Variants in CAPZA2 observed in about 807,000 individuals in gnomAD.
CAPZA2 encodes the protein F-actin-capping protein subunit alpha-2.
Under a neutral mutation model 44.0 loss-of-function variants are expected in CAPZA2, and 13 were observed. The observed-to-expected ratio is 0.30, with a 90% CI of 0.19 to 0.47. The LOEUF is 0.47. CAPZA2 is among the 20% of genes least tolerant of loss of function. The pLI is 1.00. For missense variants in CAPZA2, 244 were observed against 338.6 expected, an observed-to-expected ratio of 0.72 and a Z score of 2.19; for synonymous variants, 94 against 108.2, an observed-to-expected ratio of 0.87 and a Z score of 0.81.
chr7:116,905,160 AAAAAAAG>A (rs1241100610), intron 5 of CAPZA2, among the ~76,000 whole-genome samples: 1 of 151,680 alleles, frequency 6.6e-6, no homozygotes, highest in Admixed American at 6.6e-5. Flanking sequence ...AAAGAAAAGA[AAAAAAAG>A]AAATACAAAA....
At chr7:116,903,233 A>AGTGTGTGT (rs71148342) in intron 4 of CAPZA2, among the ~76,000 whole-genome samples, 1,788 of 146,382 alleles carry the variant, frequency 0.012, 9 homozygotes, top group Middle Eastern at 0.032. Flanking sequence ...TGCAGAGAAG[A>AGTGTGTGT]GTGTGTGTGT....
intron 3 of CAPZA2, among the ~76,000 whole-genome samples, chr7:116,893,246 T>C (rs1210637308): frequency 6.6e-6 from 1 of 152,128 alleles, no homozygotes; most frequent in Admixed American, 6.6e-5. Flanking sequence ...TTCTTCTGCC[T>C]CAGCCTCCCG....
intron 2 of CAPZA2, among the ~76,000 whole-genome samples, chr7:116,890,769 C>A (rs2115927423): frequency 1.9e-5 from 1 of 52,326 alleles, no homozygotes; most frequent in Non-Finnish European, 3.2e-5. Context: ...CAGAGTGAGA[C>A]TCTGTCTCAA....
intron 8 of CAPZA2, among the ~76,000 whole-genome samples, chr7:116,914,324 C>G (rs754606538): frequency 6.6e-6 from 1 of 151,872 alleles, no homozygotes; most frequent in Non-Finnish European, 1.5e-5. Context: ...CCACTGCGCC[C>G]GGCCAGAAAA....
At chr7:116,898,897 G>A in intron 4 of CAPZA2, 62 bp downstream of exon 4, 1 of 953,742 alleles carries the variant, frequency 1.0e-6, no homozygotes, top group Non-Finnish European at 1.6e-6. Context: ...TCCTGCAAGA[G>A]CTGTGAAGTG....
rs1226553970 is a variant in CAPZA2, at chr7:116,918,291, T to C, written c.*424T>C. The C allele has an allele frequency of 1.2e-5, 2 of 160,312 alleles. No individual in the cohort carries two copies. The highest frequency in any genetic ancestry group is 2.8e-5 in the Non-Finnish European group (2 of 72,082). 9.9% of individuals were successfully genotyped at this position (160,312 alleles called of 1,614,324 possible). On this transcript the variant is annotated 3_prime_UTR_variant, in exon 10 of 10. Transcript: ENST00000361183. ...ATTCTAGTTTAAGGTGGTTGATGGA[T>C]TTAGCCATATATGCTGCTAAAGAAA...
In CAPZA2 at chr7:116,910,732, G is replaced by A. The variant is rs185872002; in HGVS notation, c.585+421G>A. Among the ~76,000 whole-genome samples the A allele has an allele frequency of 1.7e-3, 266 of 152,236 alleles. 1 individual carries two copies. Among genetic ancestry groups the A allele is most frequent in the African/African-American group, 4.2e-3 (175 of 41,552 alleles). On this transcript the variant is annotated intron_variant, in intron 7 of 9. Coordinates refer to ENST00000361183, the MANE Select transcript of CAPZA2 (RefSeq NM_006136.3). ...ATTAACGTGTATGTATTGGCTGGGC[G>A]CGGTGGCTCACGCCTGTTATCCCAA...
intron 8 of CAPZA2, among the ~76,000 whole-genome samples, chr7:116,912,484 A>C (rs1791610715): frequency 6.6e-6 from 1 of 152,116 alleles, no homozygotes; most frequent in Non-Finnish European, 1.5e-5. Flanking sequence ...CATTCTACCC[A>C]GCCCTTCCCC....
intron 1 of CAPZA2, among the ~76,000 whole-genome samples, chr7:116,863,367 G>A (rs1478856931): frequency 6.6e-6 from 1 of 152,086 alleles, no homozygotes; most frequent in Non-Finnish European, 1.5e-5. Context: ...TGCCCACGTT[G>A]GCAGCAGCCC....
chr7:116,898,269 T>C (rs1350916971), intron 3 of CAPZA2, among the ~76,000 whole-genome samples: 1 of 151,984 alleles, frequency 6.6e-6, no homozygotes, highest in Non-Finnish European at 1.5e-5. Flanking sequence ...TGTAATCTTT[T>C]TTTTTTTTTA....
intron 1 of CAPZA2, among the ~76,000 whole-genome samples, chr7:116,869,887 T>G (rs1796529494): frequency 6.6e-6 from 1 of 152,122 alleles, no homozygotes; most frequent in Non-Finnish European, 1.5e-5. Flanking sequence ...TTTGTTTTTT[T>G]GAGACGGAGT....
At chr7:116,889,521 C>T (rs1279188977) in intron 2 of CAPZA2, among the ~76,000 whole-genome samples, 8 of 149,212 alleles carry the variant, frequency 5.4e-5, no homozygotes, top group Non-Finnish European at 1.0e-4. Flanking sequence ...TGGGTGTTTG[C>T]GACCAGCCTG....
At chr7:116,897,725 CAT>C (rs1796945192) in intron 3 of CAPZA2, among the ~76,000 whole-genome samples, 1 of 152,046 alleles carries the variant, frequency 6.6e-6, no homozygotes, top group East Asian at 1.9e-4. Context: ...TTTTTCTATA[CAT>C]ATATATGGTA....
chr7:116,876,789 A>G (rs116928768), intron 1 of CAPZA2, among the ~76,000 whole-genome samples: 1,589 of 152,326 alleles, frequency 0.01, 15 homozygotes, highest in Non-Finnish European at 0.018. Context: ...GATTGACAGC[A>G]GTTTATTAAT....
At chr7:116,880,467 G>A (rs149237759) in intron 1 of CAPZA2, among the ~76,000 whole-genome samples, 1,829 of 151,896 alleles carry the variant, frequency 0.012, 14 homozygotes, top group Admixed American at 0.019. Context: ...GCGTGATCTC[G>A]GCTCACTGCA....
intron 4 of CAPZA2, among the ~76,000 whole-genome samples, chr7:116,899,510 CG>C: frequency 6.6e-6 from 1 of 151,512 alleles, no homozygotes. Context: ...GTCATAGTTA[CG>C]GGGGACAAGC....
intron 9 of CAPZA2, 51 bp downstream of exon 9, chr7:116,916,173 C>T: frequency 6.9e-7 from 1 of 1,439,902 alleles, no homozygotes; most frequent in Non-Finnish European, 9.2e-7. Context: ...GAATTAATGT[C>T]ACTGAAATTT....
At chr7:116,878,164 T>C (rs1446877050) in intron 1 of CAPZA2, among the ~76,000 whole-genome samples, 1 of 152,220 alleles carries the variant, frequency 6.6e-6, no homozygotes, top group East Asian at 1.9e-4. Flanking sequence ...AGAAAAAGGA[T>C]AGGATCTTTG....
chr7:116,903,046 C>T (rs1299009000), intron 4 of CAPZA2, among the ~76,000 whole-genome samples: 1 of 152,036 alleles, frequency 6.6e-6, no homozygotes, highest in Non-Finnish European at 1.5e-5. Flanking sequence ...TCCTCCTTTC[C>T]CCGAAAAAGG....
Sources: gnomAD v4.1 joint callset for allele counts (sites outside exome capture counted in the v4.1 genomes callset) on GRCh38, gnomAD v4.1.1 for gene constraint, MANE v1.5 for transcripts, NCBI Gene and HGNC (gene_info 2026-07-23, HGNC 2026-07-21) for gene names.